The following TMEM117 variants were observed in gnomAD, a reference collection of about 807,000 sequenced individuals.
The protein encoded by TMEM117 is transmembrane protein 117.
A neutral mutation model predicts 52.4 loss-of-function variants in TMEM117; 27 were observed. That is an observed-to-expected ratio of 0.51 (90% CI 0.38 to 0.71). TMEM117 has a LOEUF of 0.71. TMEM117 is among the 30% of genes least tolerant of loss of function. TMEM117 has a pLI of 0.00. For synonymous variants in TMEM117, 215 were observed against 206.3 expected (o/e 1.04, Z -0.36); for missense variants, 556 against 630.5 (o/e 0.88, Z 1.26).
intron 4 of TMEM117, among the ~76,000 whole-genome samples, chr12:44,182,200 A>T (rs925443201): frequency 3.3e-5 from 5 of 152,126 alleles, no homozygotes; most frequent in African/African-American, 1.2e-4. Flanking sequence ...TTGTACCTTG[A>T]TTTTGTATCC....
chr12:44,216,005 C>CTTTTTTTTTT (rs778425747), intron 5 of TMEM117, among the ~76,000 whole-genome samples: 35 of 110,832 alleles, frequency 3.2e-4, no homozygotes, highest in African/African-American at 1.1e-3. Flanking sequence ...TTCTTTCTTT[C>CTTTTTTTTTT]TTTTTTTTTT....
At chr12:44,145,029 C>T (rs904565869) in intron 4 of TMEM117, among the ~76,000 whole-genome samples, 16 of 151,962 alleles carry the variant, frequency 1.1e-4, no homozygotes, top group Admixed American at 3.3e-4. Context: ...TGGTGGCGGG[C>T]GCCTGTAGTC....
intron 4 of TMEM117, among the ~76,000 whole-genome samples, chr12:44,181,359 T>G (rs1371800743): frequency 3.3e-5 from 5 of 152,152 alleles, no homozygotes; most frequent in Non-Finnish European, 5.9e-5. Context: ...TTAGTTTAAT[T>G]AGATCCCATT....
chr12:44,308,675 A>C (rs1307745805), intron 6 of TMEM117, among the ~76,000 whole-genome samples: 1 of 146,392 alleles, frequency 6.8e-6, no homozygotes, highest in African/African-American at 2.6e-5. Flanking sequence ...GCTGGAGTGC[A>C]GTGGCGCCAT....
At chr12:44,031,935 C>T (rs1390633376) in intron 3 of TMEM117, among the ~76,000 whole-genome samples, 1 of 152,152 alleles carries the variant, frequency 6.6e-6, no homozygotes, top group African/African-American at 2.4e-5. Context: ...AATAAAAGCC[C>T]TTTGGGGAAA....
intron 3 of TMEM117, among the ~76,000 whole-genome samples, chr12:44,067,941 A>G (rs756891090): frequency 3.3e-5 from 5 of 152,132 alleles, no homozygotes; most frequent in African/African-American, 4.8e-5. Context: ...TACTGTAGCC[A>G]TTTTCATCAG....
intron 1 of TMEM117, among the ~76,000 whole-genome samples, chr12:43,841,652 G>A (rs868372757): frequency 2.0e-5 from 3 of 152,092 alleles, no homozygotes; most frequent in Non-Finnish European, 4.4e-5. Flanking sequence ...TCCAAAATGC[G>A]TGTATTTAAA....
chr12:43,830,766 T>C, the TMEM117 span, among the ~76,000 whole-genome samples: 1 of 152,100 alleles, frequency 6.6e-6, no homozygotes, highest in African/African-American at 2.4e-5. Flanking sequence ...ATAATAATGA[T>C]GATAAAAAGA....
chr12:44,092,674 A>G (rs1947694351), intron 3 of TMEM117, among the ~76,000 whole-genome samples: 1 of 152,086 alleles, frequency 6.6e-6, no homozygotes, highest in South Asian at 2.1e-4. Flanking sequence ...ACTATAGAAA[A>G]CCAGACGTCT....
chr12:43,932,160 C>T (rs749576478), intron 2 of TMEM117, among the ~76,000 whole-genome samples: 5 of 152,046 alleles, frequency 3.3e-5, no homozygotes, highest in Non-Finnish European at 7.4e-5. Flanking sequence ...ATCATTAATA[C>T]AAAAGCCTAT....
intron 3 of TMEM117, among the ~76,000 whole-genome samples, chr12:43,965,229 G>A (rs997187477): frequency 9.9e-5 from 15 of 152,178 alleles, no homozygotes; most frequent in African/African-American, 3.6e-4. Flanking sequence ...ATAAAGGGAC[G>A]AATTTGAGTT....
Position 44,331,925 on chromosome 12 carries a change from G to C in TMEM117, c.768+32186G>C, listed in dbSNP as rs1951275795. Among the ~76,000 whole-genome samples the C allele has an allele frequency of 3.3e-5, 5 of 151,944 alleles. No individual in the cohort carries two copies. In the South Asian group the frequency reaches 1.0e-3, roughly 32 times the overall value. ...TATTCTTGTCACCTTGGGCACATAG[G>C]TTTTATCTGTGCTGCCAAAAATAAA... On this transcript the variant is annotated intron_variant, in intron 6 of 7. Coordinates refer to ENST00000266534, the MANE Select transcript of TMEM117 (RefSeq NM_032256.3).
At chr12:43,865,144 G>A (rs144484666) in intron 2 of TMEM117, among the ~76,000 whole-genome samples, 31 of 152,236 alleles carry the variant, frequency 2.0e-4, no homozygotes, top group African/African-American at 6.3e-4. Context: ...GCGAGGGTCC[G>A]CGGCTTCATT....
intron 2 of TMEM117, among the ~76,000 whole-genome samples, chr12:43,939,711 C>G (rs1945012816): frequency 6.6e-6 from 1 of 152,208 alleles, no homozygotes; most frequent in South Asian, 2.1e-4. Flanking sequence ...TGGCACCATT[C>G]CCCTGGGACT....
intron 3 of TMEM117, among the ~76,000 whole-genome samples, chr12:44,065,329 A>G (rs1365883797): frequency 1.3e-5 from 2 of 151,824 alleles, no homozygotes; most frequent in Non-Finnish European, 2.9e-5. Flanking sequence ...CGGAGGTTGC[A>G]GTGAGCCGAG....
intron 3 of TMEM117, among the ~76,000 whole-genome samples, chr12:44,055,155 CTATTT>C (rs1947034607): frequency 6.6e-6 from 1 of 151,734 alleles, no homozygotes; most frequent in South Asian, 2.1e-4. Flanking sequence ...GATGCAAACT[CTATTT>C]TATTTAAAAA....
chr12:44,194,780 C>T (rs550041088), intron 4 of TMEM117, among the ~76,000 whole-genome samples: 7 of 152,118 alleles, frequency 4.6e-5, no homozygotes, highest in South Asian at 2.1e-4. Flanking sequence ...GCAGTGAGCC[C>T]GGATTGAGCC....
intron 6 of TMEM117, among the ~76,000 whole-genome samples, chr12:44,345,970 C>T (rs1244886664): frequency 6.6e-6 from 1 of 152,048 alleles, no homozygotes; most frequent in Non-Finnish European, 1.5e-5. Context: ...TCTTACAGAT[C>T]ATCTACTAAA....
intron 3 of TMEM117, among the ~76,000 whole-genome samples, chr12:43,971,209 CTT>C (rs1364872322): frequency 2.6e-5 from 4 of 152,068 alleles, no homozygotes; most frequent in Non-Finnish European, 5.9e-5. Context: ...TGATGCTCTC[CTT>C]ATTATTTCTT....
Sources: allele counts gnomAD v4.1 joint callset (sites outside exome capture counted in the v4.1 genomes callset), GRCh38; gene constraint gnomAD v4.1.1; transcripts MANE v1.5; gene names NCBI Gene and HGNC (gene_info 2026-07-23, HGNC 2026-07-21).